SCGB1D1: variants seen among roughly 807,000 people sequenced by gnomAD.
SCGB1D1 encodes lipophilin A (uteroglobin family member).
SCGB1D1 carries 10 observed loss-of-function variants against 8.3 expected under a neutral mutation model. That is an observed-to-expected ratio of 1.21 (90% confidence interval 0.74 to 2.05). The LOEUF (loss-of-function observed/expected upper bound fraction) is 2.05, where lower values mean the gene tolerates loss of function less well. SCGB1D1 is among the 30% of genes most tolerant of loss of function. The probability of loss-of-function intolerance (pLI) is 0.00; values close to 1 mark genes in which losing one functional copy is unlikely to be tolerated. For missense variants in SCGB1D1, 94 were observed against 105.1 expected (o/e 0.89, Z 0.46); for synonymous variants, 46 against 41.7 (o/e 1.10, Z -0.39).
At chr11:62,190,412 A>C (rs1475769443) in intron 1 of SCGB1D1, 73 bp downstream of exon 1, 1 of 1,592,968 alleles carries the variant, frequency 6.3e-7, no homozygotes, top group African/African-American at 1.3e-5. Flanking sequence ...GTCACCTATT[A>C]AGGTTAAGGT....
At position 62,193,442 on chromosome 11, in the gene SCGB1D1, T is replaced by G. The variant is rs1409477263; in HGVS notation, c.*14T>G. 6.2e-7 allele frequency: 1 copy of G among 1,607,854 alleles called. No individual in the cohort carries two copies. Among genetic ancestry groups the G allele is most frequent in the Non-Finnish European group, 8.5e-7 (1 of 1,175,116 alleles). On this transcript the variant is annotated 3_prime_UTR_variant, in exon 3 of 3. Transcript: ENST00000306238. Reference sequence around the variant, plus strand: ...TGTGATCGCTGAGATGTAAAAAGTTTTTAATGCTAGTTTCCACCATCTTTC... The same window carrying G: ...TGTGATCGCTGAGATGTAAAAAGTTGTTAATGCTAGTTTCCACCATCTTTC...
chr11:62,193,303 G>T, intron 2 of SCGB1D1, 96 bp from the exon 3 acceptor site: 1 of 1,145,182 alleles, frequency 8.7e-7, no homozygotes, highest in Non-Finnish European at 1.3e-6. Flanking sequence ...AATTGTCTTT[G>T]GGAGCAGAAT....
At chr11:62,193,324 A>G in intron 2 of SCGB1D1, 75 bp from the exon 3 acceptor site, 1 of 1,357,766 alleles carries the variant, frequency 7.4e-7, no homozygotes, top group Non-Finnish European at 1.0e-6. Flanking sequence ...TCCATCGGCC[A>G]CTTGGATGTT....
chr11:62,190,790 C>G (rs567899336), intron 1 of SCGB1D1, among the ~76,000 whole-genome samples: 1 of 152,342 alleles, frequency 6.6e-6, no homozygotes, highest in East Asian at 1.9e-4. Flanking sequence ...AAGCCAATCA[C>G]TGTACTGTCA....
chr11:62,192,280 T>G (rs1465415452), intron 2 of SCGB1D1, 37 bp downstream of exon 2: 3 of 1,563,142 alleles, frequency 1.9e-6, no homozygotes, highest in Admixed American at 1.7e-5. Flanking sequence ...AGGCTTCTGG[T>G]CAGCGGCACA....
chr11:62,191,397 C>T (rs1333228540), intron 1 of SCGB1D1, among the ~76,000 whole-genome samples: 1 of 152,194 alleles, frequency 6.6e-6, no homozygotes, highest in African/African-American at 2.4e-5. Flanking sequence ...TCCTCTCATC[C>T]TCTCCAAATA....
Position 62,192,253 on chromosome 11 carries a change from G to A in SCGB1D1, c.243+10G>A. ...AATTACAAAAACATTGGTAATTTCT[G>A]TCTCTTTCATGTGTCCAGGCTTCTG... On this transcript the variant is annotated intron_variant, in intron 2 of 2. Coordinates refer to ENST00000306238, the MANE Select transcript of SCGB1D1 (RefSeq NM_006552.2). 4.4e-6 allele frequency: 7 copies of A among 1,601,390 alleles called. No homozygotes were observed. The highest frequency in any genetic ancestry group is 6.0e-6 in the Non-Finnish European group (7 of 1,169,748).
At chr11:62,190,371 C>T (rs1478940498) in intron 1 of SCGB1D1, 32 bp downstream of exon 1, 1 of 1,613,716 alleles carries the variant, frequency 6.2e-7, no homozygotes, top group Non-Finnish European at 8.5e-7. Context: ...CCAGCACCAG[C>T]CCTTGGGACA....
chr11:62,190,311 G>A lies in SCGB1D1; in HGVS notation c.27G>A (p.Leu9=), dbSNP rs1469624491. MRLSVCLL[L]LTLALCCYRA... is the part of the protein sequence containing the mutation. ...TGAGGCTGTCGGTGTGTCTCCTGCT[G>A]CTCACGCTGGCCCTTTGCTGCTACC... The change falls in exon 1 of 3, where the codon CTG becomes CTA. Residue 9 remains leucine, a synonymous_variant. Transcript: ENST00000306238. 6.8e-6 allele frequency: 11 copies of A among 1,614,180 alleles called. No individual in the cohort carries two copies. The highest frequency in any genetic ancestry group is 9.3e-6 in the Non-Finnish European group (11 of 1,180,024).
chr11:62,190,369 A>T (rs1342605540), intron 1 of SCGB1D1, 30 bp downstream of exon 1: 1 of 1,614,024 alleles, frequency 6.2e-7, no homozygotes, highest in East Asian at 2.2e-5. Flanking sequence ...GTCCAGCACC[A>T]GCCCTTGGGA....
intron 2 of SCGB1D1, among the ~76,000 whole-genome samples, chr11:62,193,076 C>T (rs1944691588): frequency 6.6e-6 from 1 of 152,232 alleles, no homozygotes; most frequent in African/African-American, 2.4e-5. Context: ...CCCTGACCAA[C>T]CTCTCAGCAC....
At chr11:62,191,901 A>G (rs1159237249) in intron 1 of SCGB1D1, among the ~76,000 whole-genome samples, 155 bp from the exon 2 acceptor site, 1 of 152,204 alleles carries the variant, frequency 6.6e-6, no homozygotes, top group Non-Finnish European at 1.5e-5. Flanking sequence ...TGTGACCTCA[A>G]GGAAGTCACA....
chr11:62,192,233 C>A lies in SCGB1D1; in HGVS notation c.233C>A (p.Thr78Lys). The change falls in exon 2 of 3, where the codon ACA (threonine) becomes AAA (lysine). Residue 78 changes from threonine to lysine, a missense_variant. Physicochemically the swap from Thr to Lys is moderately conservative, Grantham distance 78. Transcript: ENST00000306238. ...GCCTATGAGAAAAGAGTGCTAATTA[C>A]AAAAACATTGGTAATTTCTGTCTCT... ...TMAYEKRVLI[T>K]KTLGKIAEKC... 6.2e-7 allele frequency: 1 copy of A among 1,604,614 alleles called. No individual in the cohort carries two copies. The highest frequency in any genetic ancestry group is 8.5e-7 in the Non-Finnish European group (1 of 1,173,310).
At chr11:62,190,369 A>G in intron 1 of SCGB1D1, 30 bp downstream of exon 1, 1 of 1,614,024 alleles carries the variant, frequency 6.2e-7, no homozygotes, top group Non-Finnish European at 8.5e-7. Flanking sequence ...GTCCAGCACC[A>G]GCCCTTGGGA....
At position 62,191,131 on chromosome 11, in the gene SCGB1D1, G is replaced by C. The variant is rs1054181704; in HGVS notation, c.55+792G>C. On this transcript the variant is annotated intron_variant, in intron 1 of 2. Transcript: ENST00000306238. ...CCTTTCCCCTGTCAGGACCGATCCAGACTCTGATTTTTCTCTTTCCTCTTC... is the reference window on the plus strand; with the variant it reads ...CCTTTCCCCTGTCAGGACCGATCCACACTCTGATTTTTCTCTTTCCTCTTC... Among the ~76,000 whole-genome samples the C allele has an allele frequency of 5.9e-5, 9 of 152,142 alleles. No homozygotes were observed. In the East Asian group the frequency reaches 1.7e-3, roughly 29 times the overall value.
chr11:62,191,866 C>T (rs938227504), intron 1 of SCGB1D1, among the ~76,000 whole-genome samples, 190 bp from the exon 2 acceptor site: 5 of 152,132 alleles, frequency 3.3e-5, no homozygotes, highest in African/African-American at 9.7e-5. Context: ...AGTTGGTTCT[C>T]CAGTTCTAGC....
At chr11:62,192,025 C>T (rs759898422) in intron 1 of SCGB1D1, 31 bp from the exon 2 acceptor site, 2 of 1,567,958 alleles carry the variant, frequency 1.3e-6, no homozygotes, top group Non-Finnish European at 1.7e-6. Flanking sequence ...GATTTCCTTA[C>T]ACAAATTATA....
chr11:62,193,319 C>T (rs534651564), intron 2 of SCGB1D1, 80 bp from the exon 3 acceptor site: 45 of 1,305,962 alleles, frequency 3.4e-5, no homozygotes, highest in South Asian at 1.7e-4. Context: ...AGAATTCCAT[C>T]GGCCACTTGG....
Position 62,193,463 on chromosome 11 carries a change from C to T in SCGB1D1, c.*35C>T. On this transcript the variant is annotated 3_prime_UTR_variant, in exon 3 of 3. Transcript: ENST00000306238. ...AGTTTTTAATGCTAGTTTCCACCAT[C>T]TTTCAATGATACCCTGATCTTCACT... The T allele has an allele frequency of 6.4e-7, 1 of 1,557,740 alleles. No individual in the cohort carries two copies. Among genetic ancestry groups the T allele is most frequent in the Middle Eastern group, 1.7e-4 (1 of 5,964 alleles).
Sources: gnomAD v4.1 joint callset for allele counts (sites outside exome capture counted in the v4.1 genomes callset) on GRCh38, gnomAD v4.1.1 for gene constraint, MANE v1.5 for transcripts, NCBI Gene and HGNC (gene_info 2026-07-23, HGNC 2026-07-21) for gene names.